Variants in CACNA2D3 observed in about 807,000 individuals in gnomAD.
The protein encoded by CACNA2D3 is calcium voltage-gated channel auxiliary subunit alpha2delta 3, also known as voltage-dependent calcium channel subunit alpha-2/delta-3.
Under a neutral mutation model 160.6 loss-of-function variants are expected in CACNA2D3, and 60 were observed. The ratio of observed to expected loss-of-function variants is 0.37; its 90% CI spans 0.30 to 0.46. CACNA2D3 has a LOEUF of 0.46. Ranked by LOEUF, CACNA2D3 falls within the 20% of genes least tolerant of loss-of-function variation. CACNA2D3 has a pLI of 1.00. For synonymous variants in CACNA2D3, 558 were observed against 492.9 expected, an observed-to-expected ratio of 1.13 and a Z score of -1.75; for missense variants, 1,205 against 1,365.0, an observed-to-expected ratio of 0.88 and a Z score of 1.85.
chr3:54,866,554 C>T (rs747880756), intron 17 of CACNA2D3, among the ~76,000 whole-genome samples: 4 of 152,198 alleles, frequency 2.6e-5, no homozygotes, highest in South Asian at 2.1e-4. Context: ...CATGGAGTGG[C>T]ACATATAGAT....
chr3:54,411,987 C>T (rs1327985593), intron 4 of CACNA2D3, among the ~76,000 whole-genome samples: 1 of 152,156 alleles, frequency 6.6e-6, no homozygotes, highest in Non-Finnish European at 1.5e-5. Context: ...CCTTTCTGCC[C>T]TCTTTGAATT....
At chr3:54,607,057 C>T (rs1698644199) in intron 9 of CACNA2D3, among the ~76,000 whole-genome samples, 1 of 152,126 alleles carries the variant, frequency 6.6e-6, no homozygotes, top group Admixed American at 6.5e-5. Context: ...GTCCTTCGAG[C>T]CAGAGAAGCA....
chr3:54,238,907 A>G (rs548406636), intron 2 of CACNA2D3, among the ~76,000 whole-genome samples: 1 of 152,328 alleles, frequency 6.6e-6, no homozygotes, highest in South Asian at 2.1e-4. Context: ...CCATAGCACT[A>G]ATAAACTCGT....
intron 13 of CACNA2D3, among the ~76,000 whole-genome samples, chr3:54,806,629 C>T (rs1302103943): frequency 6.6e-6 from 1 of 152,116 alleles, no homozygotes; most frequent in Non-Finnish European, 1.5e-5. Flanking sequence ...CCATGCTGCC[C>T]AAGGTAATTT....
At chr3:54,276,104 C>T in intron 2 of CACNA2D3, among the ~76,000 whole-genome samples, 1 of 152,138 alleles carries the variant, frequency 6.6e-6, no homozygotes, top group Non-Finnish European at 1.5e-5. Context: ...ATGCCCCTCC[C>T]TGCAGGGATG....
At chr3:54,259,331 G>C (rs1203695377) in intron 2 of CACNA2D3, among the ~76,000 whole-genome samples, 1 of 152,226 alleles carries the variant, frequency 6.6e-6, no homozygotes, top group Admixed American at 6.5e-5. Flanking sequence ...AGAGCTGAGA[G>C]TTTTGATCAA....
intron 14 of CACNA2D3, among the ~76,000 whole-genome samples, chr3:54,829,417 G>A (rs1350541825): frequency 2.0e-5 from 3 of 152,180 alleles, no homozygotes; most frequent in Non-Finnish European, 4.4e-5. Flanking sequence ...TGAAAGGTTA[G>A]GTACAGAGGA....
intron 11 of CACNA2D3, among the ~76,000 whole-genome samples, chr3:54,677,290 G>A (rs1255259573): frequency 1.3e-5 from 2 of 152,202 alleles, no homozygotes; most frequent in East Asian, 3.8e-4. Flanking sequence ...TCTACAGGAA[G>A]AGGGAAAATA....
At chr3:54,646,192 T>C (rs59230068) in intron 11 of CACNA2D3, among the ~76,000 whole-genome samples, 599 of 6,540 alleles carry the variant, frequency 0.092, 111 homozygotes, top group Non-Finnish European at 0.13. Context: ...CCCTCCTTCC[T>C]TGCTTCCTTC....
chr3:54,735,992 TACATATATATATATGTATATATATACAC>T (rs1701492921), intron 11 of CACNA2D3, among the ~76,000 whole-genome samples: 3 of 98,766 alleles, frequency 3.0e-5, no homozygotes, highest in East Asian at 2.1e-4. Context: ...TATATATATA[TACATATATATATATGTATATATATACAC>T]ATACATATAT....
At chr3:54,513,576 G>A (rs916587534) in intron 5 of CACNA2D3, among the ~76,000 whole-genome samples, 2 of 152,114 alleles carry the variant, frequency 1.3e-5, no homozygotes, top group Non-Finnish European at 2.9e-5. Context: ...TAATACTTTG[G>A]CTTTAGAACC....
intron 8 of CACNA2D3, among the ~76,000 whole-genome samples, chr3:54,570,458 A>G (rs1235105765): frequency 6.6e-6 from 1 of 152,158 alleles, no homozygotes; most frequent in African/African-American, 2.4e-5. Flanking sequence ...TCACATGGAA[A>G]TTAACTTCCA....
chr3:54,378,456 C>T (rs1699046245), intron 3 of CACNA2D3, among the ~76,000 whole-genome samples: 2 of 152,180 alleles, frequency 1.3e-5, no homozygotes. Context: ...GGCCACCGAC[C>T]AGTACTGGTC....
At chr3:54,859,239 A>T (rs750972761) in intron 17 of CACNA2D3, among the ~76,000 whole-genome samples, 4 of 152,222 alleles carry the variant, frequency 2.6e-5, no homozygotes, top group Non-Finnish European at 5.9e-5. Flanking sequence ...GCAAATAAAA[A>T]TGTTGAGACC....
chr3:54,844,182 A>G (rs1171500914), intron 16 of CACNA2D3, among the ~76,000 whole-genome samples: 1 of 152,158 alleles, frequency 6.6e-6, no homozygotes, highest in East Asian at 1.9e-4. Flanking sequence ...GCCCAGGAGT[A>G]TGGGACCTGG....
intron 4 of CACNA2D3, among the ~76,000 whole-genome samples, chr3:54,472,308 C>T (rs1290612293): frequency 6.6e-6 from 1 of 152,188 alleles, no homozygotes; most frequent in Non-Finnish European, 1.5e-5. Context: ...ACATGATTAT[C>T]TCATAGATGC....
chr3:54,406,584 C>A (rs987776307), intron 4 of CACNA2D3, among the ~76,000 whole-genome samples: 3 of 151,424 alleles, frequency 2.0e-5, no homozygotes, highest in African/African-American at 7.3e-5. Flanking sequence ...CATGATCTCA[C>A]TTATGTGTGG....
chr3:55,074,293 C>T lies in CACNA2D3; in HGVS notation c.*87C>T. The T allele has an allele frequency of 9.9e-7, 1 of 1,005,748 alleles. No homozygotes were observed. The highest frequency in any genetic ancestry group is 1.7e-5 in the Admixed American group (1 of 58,736). The allele number at this position is 1,005,748 out of a possible 1,614,324, so 62.3% of individuals were successfully genotyped here. The stretch of plus-strand genomic sequence containing the variant: ...AACTGTGAACCAAAATATGGTGCAA[C>T]ATACGAGACATGAATATAGTCCAAC... On this transcript the variant is annotated 3_prime_UTR_variant, in exon 38 of 38. Transcript: ENST00000474759.
intron 11 of CACNA2D3, among the ~76,000 whole-genome samples, chr3:54,748,599 C>T (rs1202289226): frequency 1.3e-5 from 2 of 151,652 alleles, no homozygotes; most frequent in African/African-American, 4.8e-5. Flanking sequence ...TGCCTTTGAG[C>T]TGCATTAATG....
Sources: gnomAD v4.1 joint callset for allele counts (sites outside exome capture counted in the v4.1 genomes callset) on GRCh38, gnomAD v4.1.1 for gene constraint, MANE v1.5 for transcripts, NCBI Gene and HGNC (gene_info 2026-07-23, HGNC 2026-07-21) for gene names.